Variants in CDH13 observed in about 807,000 individuals in gnomAD.
The protein encoded by CDH13 is cadherin 13, also known as cadherin-13.
Under a neutral mutation model 63.8 loss-of-function variants are expected in CDH13, and 24 were observed. The ratio of observed to expected loss-of-function variants is 0.38; its 90% CI spans 0.27 to 0.53. CDH13 has a LOEUF of 0.53. Among genes scored for constraint, CDH13 ranks in the 20% least tolerant of loss-of-function variants. The probability of loss-of-function intolerance (pLI) is 0.85; values close to 1 mark genes in which losing one functional copy is unlikely to be tolerated. For missense variants in CDH13, 1,049 were observed against 903.1 expected, an observed-to-expected ratio of 1.16 and a Z score of -2.07; for synonymous variants, 503 against 355.3, an observed-to-expected ratio of 1.42 and a Z score of -4.67.
chr16:82,714,240 C>T (rs971006278), intron 1 of CDH13, among the ~76,000 whole-genome samples: 2 of 152,216 alleles, frequency 1.3e-5, no homozygotes, highest in Non-Finnish European at 2.9e-5. Context: ...GCTGAACCAA[C>T]ATACCCGCTT....
intron 5 of CDH13, among the ~76,000 whole-genome samples, chr16:83,289,767 C>G (rs2089420070): frequency 6.6e-6 from 1 of 152,088 alleles, no homozygotes; most frequent in Admixed American, 6.6e-5. Flanking sequence ...ATAATAATTT[C>G]CTTTCTGATC....
intron 8 of CDH13, among the ~76,000 whole-genome samples, chr16:83,603,088 C>T (rs1908001481): frequency 6.6e-6 from 1 of 152,116 alleles, no homozygotes; most frequent in Non-Finnish European, 1.5e-5. Context: ...ATTCTCAGTC[C>T]CTGTGCTTTT....
At chr16:83,407,502 C>G (rs1476736964) in intron 6 of CDH13, among the ~76,000 whole-genome samples, 7 of 152,134 alleles carry the variant, frequency 4.6e-5, no homozygotes, top group African/African-American at 1.4e-4. Flanking sequence ...TACTATGACT[C>G]TAGCTCAGAA....
chr16:83,696,055 A>C (rs1905355872), intron 10 of CDH13, among the ~76,000 whole-genome samples: 3 of 151,746 alleles, frequency 2.0e-5, no homozygotes, highest in Admixed American at 2.0e-4. Context: ...ATGCCCAGCT[A>C]ATTTTTCTAT....
intron 3 of CDH13, among the ~76,000 whole-genome samples, chr16:83,117,911 G>T (rs1597368448): frequency 6.6e-6 from 1 of 152,192 alleles, no homozygotes; most frequent in African/African-American, 2.4e-5. Context: ...GGGAAACAGG[G>T]AGGAAAGCAA....
intron 9 of CDH13, 96 bp from the exon 10 acceptor site, chr16:83,678,112 C>G: frequency 7.7e-7 from 1 of 1,297,478 alleles, no homozygotes; most frequent in Non-Finnish European, 1.1e-6. Flanking sequence ...TCCCTGAAGG[C>G]CCACTGTTGC....
chr16:83,730,600 G>A (rs543112306), intron 10 of CDH13, among the ~76,000 whole-genome samples: 19 of 152,260 alleles, frequency 1.2e-4, no homozygotes, highest in Admixed American at 2.0e-4. Context: ...CAATTGAACT[G>A]GGTACAAAGG....
chr16:82,764,684 G>T (rs779069967), intron 1 of CDH13, among the ~76,000 whole-genome samples: 1 of 152,184 alleles, frequency 6.6e-6, no homozygotes, highest in Non-Finnish European at 1.5e-5. Flanking sequence ...ATAAATGTGT[G>T]TTGAATAATG....
At chr16:82,898,585 A>G (rs552720204) in intron 2 of CDH13, among the ~76,000 whole-genome samples, 20 of 152,170 alleles carry the variant, frequency 1.3e-4, no homozygotes, top group Non-Finnish European at 2.8e-4. Context: ...GGTCTCATGG[A>G]TGATATAGAT....
chr16:83,281,108 C>A (rs1343733226), intron 5 of CDH13, among the ~76,000 whole-genome samples: 4 of 152,204 alleles, frequency 2.6e-5, no homozygotes, highest in Admixed American at 2.6e-4. Context: ...GAAAGTCCTA[C>A]ACGGCATCTT....
intron 5 of CDH13, among the ~76,000 whole-genome samples, chr16:83,243,536 G>T (rs1192481503): frequency 2.0e-5 from 3 of 152,134 alleles, no homozygotes; most frequent in Non-Finnish European, 4.4e-5. Flanking sequence ...TGAGATTTGG[G>T]TGGGGACACA....
intron 10 of CDH13, among the ~76,000 whole-genome samples, chr16:83,730,534 C>T (rs114740386): frequency 2.0e-5 from 3 of 152,226 alleles, no homozygotes; most frequent in South Asian, 2.1e-4. Context: ...AATCACAATT[C>T]GATGAAAAGT....
intron 5 of CDH13, among the ~76,000 whole-genome samples, chr16:83,323,232 T>G (rs1452915619): frequency 4.0e-5 from 6 of 148,904 alleles, no homozygotes; most frequent in African/African-American, 1.5e-4. Context: ...CTTTCTTTCT[T>G]TCTTTCTTTC....
At chr16:83,595,593 C>G (rs1039213573) in intron 7 of CDH13, among the ~76,000 whole-genome samples, 2 of 152,172 alleles carry the variant, frequency 1.3e-5, no homozygotes, top group African/African-American at 4.8e-5. Flanking sequence ...GGGCTTTGAG[C>G]TATATAGTCA....
chr16:83,118,427 G>T (rs1375056261), intron 3 of CDH13, among the ~76,000 whole-genome samples: 1 of 152,208 alleles, frequency 6.6e-6, no homozygotes, highest in African/African-American at 2.4e-5. Context: ...GTGCATAAGT[G>T]TGTGCATTTG....
At chr16:83,707,836 C>CAAGAAAAAAAAAA (rs1907337970) in intron 10 of CDH13, among the ~76,000 whole-genome samples, 1 of 78,902 alleles carries the variant, frequency 1.3e-5, no homozygotes, top group African/African-American at 5.0e-5. Context: ...ACCCTAAAGG[C>CAAGAAAAAAAAAA]AAAAAAAAAA....
At chr16:82,655,594 T>G (rs183010930) in intron 1 of CDH13, among the ~76,000 whole-genome samples, 231 of 151,700 alleles carry the variant, frequency 1.5e-3, no homozygotes, top group African/African-American at 5.3e-3. Context: ...ACTGGTGGGG[T>G]TGGGGGAGGG....
intron 8 of CDH13, among the ~76,000 whole-genome samples, chr16:83,650,792 G>A (rs891319992): frequency 6.6e-6 from 1 of 152,102 alleles, no homozygotes; most frequent in Non-Finnish European, 1.5e-5. Context: ...GAAAAAGCAG[G>A]GTGGATTCGG....
intron 10 of CDH13, among the ~76,000 whole-genome samples, chr16:83,695,322 C>T (rs756250235): frequency 2.6e-5 from 4 of 152,238 alleles, no homozygotes; most frequent in African/African-American, 9.6e-5. Flanking sequence ...CTCAGCATGG[C>T]GCTGCTGTGC....
Sources: allele counts gnomAD v4.1 joint callset (sites outside exome capture counted in the v4.1 genomes callset), GRCh38; gene constraint gnomAD v4.1.1; transcripts MANE v1.5; gene names NCBI Gene and HGNC (gene_info 2026-07-23, HGNC 2026-07-21).